The following CLDN10 variants were observed in gnomAD, a reference collection of about 807,000 sequenced individuals.
CLDN10 encodes claudin-10.
Under a neutral mutation model 22.9 loss-of-function variants are expected in CLDN10, and 15 were observed. The observed-to-expected ratio is 0.65, with a 90% CI of 0.44 to 1.01. The LOEUF (loss-of-function observed/expected upper bound fraction) is 1.01, where lower values mean the gene tolerates loss of function less well. Among genes scored for constraint, CLDN10 ranks in the 50% least tolerant of loss-of-function variants. CLDN10 has a pLI of 0.00. For missense variants in CLDN10, 247 were observed against 287.8 expected, an observed-to-expected ratio of 0.86 and a Z score of 1.03; for synonymous variants, 114 against 111.4, an observed-to-expected ratio of 1.02 and a Z score of -0.15.
At chr13:95,444,905 G>A (rs1049433466) in intron 1 of CLDN10, among the ~76,000 whole-genome samples, 1 of 152,018 alleles carries the variant, frequency 6.6e-6, no homozygotes, top group African/African-American at 2.4e-5. Context: ...AGTGATTCTC[G>A]TGCCTCAGCA....
chr13:95,468,991 A>G (rs1246609465), intron 1 of CLDN10, among the ~76,000 whole-genome samples: 1 of 152,182 alleles, frequency 6.6e-6, no homozygotes, highest in African/African-American at 2.4e-5. Context: ...TCTACTAAAT[A>G]CATTATGATT....
chr13:95,537,869 A>G (rs1013069028), intron 1 of CLDN10, among the ~76,000 whole-genome samples: 2 of 152,224 alleles, frequency 1.3e-5, no homozygotes, highest in Non-Finnish European at 2.9e-5. Context: ...GAAACCAATT[A>G]TAAGTAGAGA....
chr13:95,565,460 T>C (rs758983006), intron 3 of CLDN10, among the ~76,000 whole-genome samples: 5 of 152,248 alleles, frequency 3.3e-5, no homozygotes, highest in Admixed American at 6.5e-5. Context: ...TATTTTTGTG[T>C]TGGGGTCTTA....
rs1484633371 is a variant in CLDN10, at chr13:95,574,275, G to A, written c.465-2956G>A. Among the ~76,000 whole-genome samples the A allele has an allele frequency of 3.3e-5, 5 of 152,064 alleles. No individual in the cohort carries two copies. In the East Asian group the frequency reaches 9.7e-4, roughly 29 times the overall value. ...TGTGATATGTGTCTTTCAATAGAAA[G>A]AAGGAAAAGTCTCTGAAAGAACAAA... On this transcript the variant is annotated intron_variant, in intron 3 of 4. Transcript: ENST00000299339.
rs193272670 is a variant in CLDN10, at chr13:95,578,274, A to G, written c.*260A>G. 19 of 269,606 alleles carry G rather than the reference A, an allele frequency of 7.0e-5. No individual in the cohort carries two copies. In the Admixed American group the frequency reaches 8.6e-4, roughly 12 times the overall value. The allele number at this position is 269,606 out of a possible 1,614,324, so 16.7% of individuals were successfully genotyped here. Reference sequence around the variant, plus strand: ...GTTTTCTACATTTATATAGAACATGAAAAGCATTTAGTACCAAAGGTTCAA... The same window carrying G: ...GTTTTCTACATTTATATAGAACATGGAAAGCATTTAGTACCAAAGGTTCAA... On this transcript the variant is annotated 3_prime_UTR_variant, in exon 5 of 5. Transcript: ENST00000299339.
chr13:95,548,440 A>T (rs542756796), upstream of CLDN10, among the ~76,000 whole-genome samples: 6 of 152,374 alleles, frequency 3.9e-5, no homozygotes, highest in East Asian at 1.2e-3. Flanking sequence ...ACAGGTTGCC[A>T]AATGACAGAA....
chr13:95,496,648 G>A lies in CLDN10; in HGVS notation c.214+62601G>A, dbSNP rs1256480307. Reference sequence around the variant, plus strand: ...CTGCAGATGGCTGCCATCTCACTGTGTGCTCATGTTCTGGAGAGTGACCCA... The same window carrying A: ...CTGCAGATGGCTGCCATCTCACTGTATGCTCATGTTCTGGAGAGTGACCCA... On this transcript the variant is annotated intron_variant, in intron 1 of 4. Transcript: ENST00000376873. Among the ~76,000 whole-genome samples the A allele has an allele frequency of 5.9e-5, 9 of 152,192 alleles. No homozygotes were observed. The East Asian group carries it at 1.7e-3, about 29-fold the overall frequency.
intron 3 of CLDN10, among the ~76,000 whole-genome samples, chr13:95,572,030 G>T (rs983959036): frequency 6.6e-6 from 1 of 152,144 alleles, no homozygotes; most frequent in African/African-American, 2.4e-5. Context: ...AAAGGATGAG[G>T]TGCTTTCGTT....
At chr13:95,435,724 G>A (rs1011788502) in intron 1 of CLDN10, among the ~76,000 whole-genome samples, 46 of 152,084 alleles carry the variant, frequency 3.0e-4, no homozygotes, top group Non-Finnish European at 2.6e-4. Flanking sequence ...TTCTCCAGGG[G>A]CCCCTCTTGG....
intron 1 of CLDN10, among the ~76,000 whole-genome samples, chr13:95,435,683 C>T (rs1298295462): frequency 6.6e-6 from 1 of 152,086 alleles, no homozygotes; most frequent in Non-Finnish European, 1.5e-5. Flanking sequence ...TGGAGACCCT[C>T]TTGTCACTCT....
intron 1 of CLDN10, among the ~76,000 whole-genome samples, chr13:95,445,201 CAGG>C (rs1258936112): frequency 1.3e-5 from 2 of 152,150 alleles, no homozygotes; most frequent in Non-Finnish European, 2.9e-5. Context: ...ACCTAAAAAG[CAGG>C]AGGAAGGCAA....
chr13:95,551,799 T>C (rs2043569496), upstream of CLDN10, among the ~76,000 whole-genome samples: 1 of 152,172 alleles, frequency 6.6e-6, no homozygotes, highest in South Asian at 2.1e-4. Flanking sequence ...TACACCTTGA[T>C]CTTTATGTTT....
rs768152902 is a variant in CLDN10, at chr13:95,577,324, C to G, written c.558C>G (p.Asn186Lys). 1 of 1,609,060 alleles carries G rather than the reference C, an allele frequency of 6.2e-7. No homozygotes were observed. The highest frequency in any genetic ancestry group is 1.1e-5 in the South Asian group (1 of 90,948). ...TATTTTGCTTTTCAATATCTGACAA[C>G]AACAAAACACCCAGGTATGAAAAAG... ...GVIFCFSISD[N>K]NKTPRYTYNG... Residue 186 changes from asparagine (N) to lysine (K), a missense_variant, in exon 4 of 5, where the codon AAC becomes AAG. Transcript: ENST00000299339.
chr13:95,445,228 C>T (rs1036817140), intron 1 of CLDN10, among the ~76,000 whole-genome samples: 3 of 152,232 alleles, frequency 2.0e-5, no homozygotes, highest in Admixed American at 6.5e-5. Flanking sequence ...CATGCAGGAA[C>T]AGGAAGCACA....
intron 1 of CLDN10, among the ~76,000 whole-genome samples, chr13:95,471,440 C>CACACACACACATATATATAT (rs746573300): frequency 3.0e-4 from 31 of 104,328 alleles, no homozygotes; most frequent in Admixed American, 4.1e-4. Context: ...CACACACACA[C>CACACACACACATATATATAT]ATATATATAT....
intron 1 of CLDN10, among the ~76,000 whole-genome samples, chr13:95,457,439 G>A (rs1182804022): frequency 2.6e-5 from 4 of 152,032 alleles, no homozygotes; most frequent in Non-Finnish European, 5.9e-5. Flanking sequence ...CAAGGTGCTG[G>A]GGCTCTGTGT....
At chr13:95,572,548 C>T (rs538964137) in intron 3 of CLDN10, among the ~76,000 whole-genome samples, 4 of 152,090 alleles carry the variant, frequency 2.6e-5, no homozygotes, top group East Asian at 1.9e-4. Flanking sequence ...TAGCACACAC[C>T]GAAAAGTCCT....
At chr13:95,485,619 A>G (rs1047613287) in intron 1 of CLDN10, among the ~76,000 whole-genome samples, 1 of 152,188 alleles carries the variant, frequency 6.6e-6, no homozygotes, top group Non-Finnish European at 1.5e-5. Flanking sequence ...GGCCTAATCC[A>G]TATCTCCTTT....
At chr13:95,508,804 G>A (rs780152901) in intron 1 of CLDN10, among the ~76,000 whole-genome samples, 1 of 152,230 alleles carries the variant, frequency 6.6e-6, no homozygotes, top group Non-Finnish European at 1.5e-5. Flanking sequence ...GTAGTCTGGT[G>A]GGTTCCAGGC....
Sources: allele counts gnomAD v4.1 joint callset (sites outside exome capture counted in the v4.1 genomes callset), GRCh38; gene constraint gnomAD v4.1.1; transcripts MANE v1.5; gene names NCBI Gene and HGNC (gene_info 2026-07-23, HGNC 2026-07-21).